Variants in CELF2 observed in about 807,000 individuals in gnomAD.
CELF2 encodes the protein CUGBP Elav-like family member 2, also known as CUG triplet repeat RNA-binding protein 2.
Under a neutral mutation model 62.6 loss-of-function variants are expected in CELF2, and 8 were observed. The ratio of observed to expected loss-of-function variants is 0.13; its 90% confidence interval spans 0.07 to 0.23. CELF2 has a LOEUF of 0.23. Ranked by LOEUF, CELF2 falls within the 10% of genes least tolerant of loss-of-function variation. The pLI is 1.00. For missense variants in CELF2, 333 were observed against 671.0 expected, an observed-to-expected ratio of 0.50 and a Z score of 5.56; for synonymous variants, 258 against 250.0, an observed-to-expected ratio of 1.03 and a Z score of -0.30.
chr10:10,954,477 A>T (rs926233024), intron 2 of CELF2, among the ~76,000 whole-genome samples: 2 of 152,046 alleles, frequency 1.3e-5, no homozygotes, highest in South Asian at 2.1e-4. Flanking sequence ...CGAACTCCTG[A>T]CCTTGTGATC....
Position 11,046,316 on chromosome 10 carries a change from C to G in CELF2, c.74+28153C>G, listed in dbSNP as rs562264200. Among the ~76,000 whole-genome samples, 3 of 152,268 alleles carry G rather than the reference C, an allele frequency of 2.0e-5. No homozygotes were observed. Among genetic ancestry groups the G allele is most frequent in the South Asian group, 2.1e-4 (1 of 4,824 alleles). Reference sequence around the variant, plus strand: ...GATTGTGATGCCCGTGTCAATGTGCCGGTCAGAAAATCACAGATTGCCAAC... The same window carrying G: ...GATTGTGATGCCCGTGTCAATGTGCGGGTCAGAAAATCACAGATTGCCAAC... On this transcript the variant is annotated intron_variant, in intron 1 of 12. Transcript: ENST00000633077. The surrounding 1 kb of genome is among the most constrained non-coding windows in gnomAD (Gnocchi z 4.6).
intron 1 of CELF2, among the ~76,000 whole-genome samples, chr10:11,056,472 AT>A (rs1333736058): frequency 2.0e-5 from 3 of 152,238 alleles, no homozygotes; most frequent in Non-Finnish European, 4.4e-5. Flanking sequence ...GATAAAGAGA[AT>A]TGTAAGATGC....
intron 1 of CELF2, among the ~76,000 whole-genome samples, chr10:10,816,570 T>C (rs2056481129): frequency 6.6e-6 from 1 of 152,226 alleles, no homozygotes. Flanking sequence ...GAAAGAGGAA[T>C]ACGTGGAAAA....
At chr10:10,653,067 C>T in the CELF2 span, among the ~76,000 whole-genome samples, 3 of 152,076 alleles carry the variant, frequency 2.0e-5, no homozygotes, top group Non-Finnish European at 4.4e-5. Flanking sequence ...GGTTGCAATC[C>T]TCATTTCTGA....
chr10:10,619,138 A>G, the CELF2 span, among the ~76,000 whole-genome samples: 4 of 152,188 alleles, frequency 2.6e-5, no homozygotes, highest in African/African-American at 9.6e-5. Context: ...AGCTGCTAGC[A>G]TTTACCTATG....
At chr10:10,966,646 G>A (rs530158793) in intron 2 of CELF2, 1 of 152,268 alleles carries the variant, frequency 6.6e-6, no homozygotes, top group African/African-American at 2.4e-5. Flanking sequence ...AATGCCTGGA[G>A]CTGAGCAGGT....
intron 1 of CELF2, among the ~76,000 whole-genome samples, chr10:10,851,307 C>T (rs1286423376): frequency 6.6e-6 from 1 of 152,156 alleles, no homozygotes; most frequent in Admixed American, 6.6e-5. Flanking sequence ...TCATTTCTCA[C>T]AACAAATGTT....
the CELF2 span, among the ~76,000 whole-genome samples, chr10:10,613,952 T>A: frequency 4.6e-5 from 7 of 152,196 alleles, no homozygotes; most frequent in African/African-American, 1.7e-4. Context: ...GGCTGGATTT[T>A]TTTTATTGCC....
intron 1 of CELF2, among the ~76,000 whole-genome samples, chr10:10,883,355 T>C (rs983723450): frequency 3.9e-5 from 6 of 152,240 alleles, no homozygotes; most frequent in African/African-American, 4.8e-5. Flanking sequence ...ATTTGAGAAG[T>C]ACAGCATTTT....
chr10:10,532,833 A>G, the CELF2 span, among the ~76,000 whole-genome samples: 3 of 147,854 alleles, frequency 2.0e-5, no homozygotes, highest in Non-Finnish European at 4.4e-5. Context: ...AAAATGATAC[A>G]AGAGAAAAAA....
intron 8 of CELF2, among the ~76,000 whole-genome samples, chr10:11,279,846 G>A (rs2087662818): frequency 6.6e-6 from 1 of 152,212 alleles, no homozygotes; most frequent in African/African-American, 2.4e-5. Flanking sequence ...TTGAATGAAA[G>A]TTGAATCCCT....
chr10:10,990,683 G>T lies in CELF2; in HGVS notation c.89+70684G>T, dbSNP rs914465756. ...AAGATGCTAAATAAAGGCTAAAAAA[G>T]ATAATGATCTTCCAGAGATTTGTAG... On this transcript the variant is annotated intron_variant, in intron 2 of 13. Coordinates refer to the CELF2 transcript ENST00000636488. This position sits in a 1 kb window ranked among gnomAD's most constrained non-coding sequence, Gnocchi z 4.6. Among the ~76,000 whole-genome samples, 5 of 152,112 alleles carry T rather than the reference G, an allele frequency of 3.3e-5. No individual in the cohort carries two copies. Among genetic ancestry groups the T allele is most frequent in the African/African-American group, 9.7e-5 (4 of 41,434 alleles).
At chr10:10,543,519 G>A in the CELF2 span, among the ~76,000 whole-genome samples, 5 of 152,144 alleles carry the variant, frequency 3.3e-5, no homozygotes, top group Non-Finnish European at 7.3e-5. Context: ...CAACACAGCT[G>A]GCTGTGCACC....
rs542300451 is a variant in CELF2, at chr10:10,994,674, T to C, written c.89+74675T>C. Among the ~76,000 whole-genome samples, 41 of 152,324 alleles carry C rather than the reference T, an allele frequency of 2.7e-4. 3 individuals are homozygous for C. In the East Asian group the frequency reaches 6.7e-3, roughly 25 times the overall value. ...TTGTATGCTCCTTATGAGAGTCTAA[T>C]GCCTGATGATCTGAGGTGGAAGAGT... On this transcript the variant is annotated intron_variant, in intron 2 of 13. Transcript: ENST00000636488.
rs2054917174 is a variant in CELF2 at position 11,110,686 on chromosome 10, A to C, written c.75-54800A>C. On this transcript the variant is annotated intron_variant, in intron 1 of 12. Coordinates refer to ENST00000633077, the MANE Select transcript of CELF2 (RefSeq NM_001326342.2). The surrounding 1 kb of genome is among the most constrained non-coding windows in gnomAD (Gnocchi z 4.0). ...CCAGTGTGACGTTGAGAGTGTTCTC[A>C]TGGGTCGTTGGCATTCTCAGCAGTG... Among the ~76,000 whole-genome samples the C allele has an allele frequency of 6.6e-6, 1 of 152,154 alleles. No homozygotes were observed. The highest frequency in any genetic ancestry group is 1.5e-5 in the Non-Finnish European group (1 of 68,016).
chr10:11,182,100 G>C (rs1424608202), intron 2 of CELF2, among the ~76,000 whole-genome samples: 1 of 152,226 alleles, frequency 6.6e-6, no homozygotes, highest in African/African-American at 2.4e-5. Context: ...TCTGTCATTG[G>C]AGTCTCTTGC....
intron 12 of CELF2, among the ~76,000 whole-genome samples, chr10:11,326,235 A>G (rs1181985239): frequency 6.6e-6 from 1 of 152,204 alleles, no homozygotes. Flanking sequence ...CATCTTCCCC[A>G]CTAATTCCTT....
the CELF2 span, among the ~76,000 whole-genome samples, chr10:10,641,966 C>G: frequency 6.6e-6 from 1 of 152,136 alleles, no homozygotes; most frequent in Non-Finnish European, 1.5e-5. Context: ...AGCTTCCAAA[C>G]TAGGTCATAG....
At chr10:10,503,711 A>C in the CELF2 span, among the ~76,000 whole-genome samples, 5 of 151,898 alleles carry the variant, frequency 3.3e-5, no homozygotes, top group African/African-American at 1.2e-4. Context: ...ATTTACATTT[A>C]ATTTAATTTA....
Sources: allele counts gnomAD v4.1 joint callset (sites outside exome capture counted in the v4.1 genomes callset), GRCh38; gene constraint gnomAD v4.1.1; non-coding constraint Gnocchi (gnomAD v3.1); transcripts MANE v1.5; gene names NCBI Gene and HGNC (gene_info 2026-07-23, HGNC 2026-07-21).